Variants in TP53BP1 observed in about 807,000 individuals in gnomAD.
TP53BP1 encodes tumor protein p53 binding protein 1, also known as TP53-binding protein 1.
A neutral mutation model predicts 200.8 loss-of-function variants in TP53BP1; 61 were observed. That is an observed-to-expected ratio of 0.30 (90% CI 0.25 to 0.38). The LOEUF (loss-of-function observed/expected upper bound fraction) is 0.38, where lower values mean the gene tolerates loss of function less well. Among genes scored for constraint, TP53BP1 ranks in the 10% least tolerant of loss-of-function variants. TP53BP1 has a pLI of 1.00. For synonymous variants in TP53BP1, 822 were observed against 844.3 expected (o/e 0.97, Z 0.46); for missense variants, 2,144 against 2,371.9 (o/e 0.90, Z 2.00).
chr15:43,405,741 C>T lies in TP53BP1; in HGVS notation c.*1642G>A. On this transcript the variant is annotated 3_prime_UTR_variant, in exon 28 of 28. Transcript: ENST00000382044. ...GGCAATTCTAGCTAATGAAAATATA[C>T]TTAAAAGTATTTCTTAGGCCGGGCA... 1 of 152,880 alleles carries T rather than the reference C, an allele frequency of 6.5e-6. No homozygotes were observed. Among genetic ancestry groups the T allele is most frequent in the South Asian group, 2.1e-4 (1 of 4,838 alleles). The allele number at this position is 152,880 out of a possible 1,614,324, so 9.5% of individuals were successfully genotyped here. A position where few individuals can be genotyped will look rare whatever the true frequency, so the allele number is the denominator to read the frequency against.
chr15:43,406,842 G>C lies in TP53BP1; in HGVS notation c.*541C>G. ...TCCCTTCATGGCAGTTGGTCCTTTC[G>C]TTCTCCCTTTAGCTCTAAGAGTTGG... On this transcript the variant is annotated 3_prime_UTR_variant, in exon 28 of 28. Coordinates refer to ENST00000382044, the MANE Select transcript of TP53BP1 (RefSeq NM_001141980.3). 3.1e-6 allele frequency: 1 copy of C among 321,346 alleles called. No homozygotes were observed. Among genetic ancestry groups the C allele is most frequent in the Middle Eastern group, 1.1e-3 (1 of 916 alleles). The allele number at this position is 321,346 out of a possible 1,614,324, so 19.9% of individuals were successfully genotyped here.
intron 1 of TP53BP1, among the ~76,000 whole-genome samples, chr15:43,499,022 A>C (rs2251560): frequency 0.53 from 80,290 of 150,944 alleles, 24,524 homozygotes; most frequent in African/African-American, 0.84. Flanking sequence ...ACAACAACAA[A>C]AAAAAAAAAA....
Position 43,446,522 on chromosome 15 carries a change from G to T in TP53BP1, c.2905C>A (p.His969Asn). Residue 969 changes from histidine (H) to asparagine (N), a missense_variant, in exon 14 of 28, where the codon CAT (histidine) becomes AAT (asparagine). Physicochemically the swap from His to Asn is moderately conservative, Grantham distance 68 (BLOSUM62 1). This residue lies in a region of TP53BP1 where 1,700 missense variants were observed against 1,710.3 expected (regional missense o/e 0.99). Coordinates refer to ENST00000382044, the MANE Select transcript of TP53BP1 (RefSeq NM_001141980.3). ...DVMSESMVET[H>N]DPILGSGKGD... ...TTTCCACTCCCAAGTATGGGATCAT[G>T]GGTCTCCACCATGCTTTCAGACATG... 2 of 1,614,138 alleles carry T rather than the reference G, an allele frequency of 1.2e-6. No individual in the cohort carries two copies. The highest frequency in any genetic ancestry group is 1.7e-6 in the Non-Finnish European group (2 of 1,180,016).
intron 14 of TP53BP1, among the ~76,000 whole-genome samples, chr15:43,442,394 C>T (rs2045945470): frequency 6.6e-6 from 1 of 151,968 alleles, no homozygotes; most frequent in Non-Finnish European, 1.5e-5. Flanking sequence ...CTGGCTATTT[C>T]TTGTAATTTA....
At chr15:43,467,055 G>A (rs2140083019) in intron 11 of TP53BP1, among the ~76,000 whole-genome samples, 1 of 148,542 alleles carries the variant, frequency 6.7e-6, no homozygotes, top group African/African-American at 2.5e-5. Flanking sequence ...TGTTGTAAAG[G>A]TATTCTTTTT....
At chr15:43,433,383 C>A (rs1276810921) in intron 16 of TP53BP1, among the ~76,000 whole-genome samples, 1 of 152,178 alleles carries the variant, frequency 6.6e-6, no homozygotes, top group Non-Finnish European at 1.5e-5. Flanking sequence ...CTACAAACCA[C>A]ATACCACGAT....
At position 43,406,147 on chromosome 15, in the gene TP53BP1, C is replaced by T. The variant is rs1474621147; in HGVS notation, c.*1236G>A. The T allele has an allele frequency of 6.6e-6, 1 of 151,746 alleles. No individual in the cohort carries two copies. Among genetic ancestry groups the T allele is most frequent in the Non-Finnish European group, 1.5e-5 (1 of 68,058 alleles). The allele number at this position is 151,746 out of a possible 1,614,324, so 9.4% of individuals were successfully genotyped here. A position where few individuals can be genotyped will look rare whatever the true frequency, so the allele number is the denominator to read the frequency against. The stretch of plus-strand genomic sequence containing the variant: ...TTTTAAATACTGAAGATTGCAGGCC[C>T]AATTACCCATCTTACACAAACCATA... On this transcript the variant is annotated 3_prime_UTR_variant, in exon 28 of 28. Transcript: ENST00000382044.
rs757770290 is a variant in TP53BP1, at chr15:43,407,595, GAAGGA to G, written c.5747-30_5747-26del. 1.9e-6 allele frequency: 3 copies of G among 1,595,924 alleles called. No individual in the cohort carries two copies. In the South Asian group the frequency reaches 3.4e-5, roughly 18 times the overall value. The stretch of plus-strand genomic sequence containing the variant: ...TCTGCAAGGAGCAAGGGAAAGTGAA[GAAGGA>G]AAGGACACTCAACTTAGCCCTCCAT... On this transcript the variant is annotated intron_variant, in intron 27 of 27. Coordinates refer to ENST00000382044, the MANE Select transcript of TP53BP1 (RefSeq NM_001141980.3).
intron 8 of TP53BP1, 47 bp from the exon 9 acceptor site, chr15:43,475,741 A>C: frequency 1.2e-6 from 2 of 1,610,484 alleles, no homozygotes; most frequent in Non-Finnish European, 1.7e-6. Flanking sequence ...GACACTACTG[A>C]GCTGCCAAAA....
intron 18 of TP53BP1, among the ~76,000 whole-genome samples, chr15:43,425,251 T>C (rs982484811): frequency 2.0e-5 from 3 of 152,178 alleles, no homozygotes; most frequent in African/African-American, 7.2e-5. Flanking sequence ...CTCAGGACCA[T>C]GGAACCTTTT....
Position 43,409,044 on chromosome 15 carries a change from C to T in TP53BP1, c.5453G>A (p.Arg1818Gln), listed in dbSNP as rs368366606. Reference sequence around the variant, plus strand: ...ACTGGCAAGGCACAGGAAGTACTTCCGGGTTCGACAATGCTGATCCGCAAT... The same window carrying T: ...ACTGGCAAGGCACAGGAAGTACTTCTGGGTTCGACAATGCTGATCCGCAAT... ...LLIADQHCRTRKYFLCLASGI... is the reference protein window; with the variant it reads ...LLIADQHCRTQKYFLCLASGI... The change falls in exon 26 of 28, where the codon CGG (arginine) becomes CAG (glutamine). Residue 1818 changes from arginine to glutamine, a missense_variant. This residue lies in a region of TP53BP1 where 334 missense variants were observed against 453.4 expected (regional missense o/e 0.74). Coordinates refer to ENST00000382044, the MANE Select transcript of TP53BP1 (RefSeq NM_001141980.3). 1.9e-5 allele frequency: 30 copies of T among 1,614,072 alleles called. No homozygotes were observed. The highest frequency in any genetic ancestry group is 4.0e-5 in the African/African-American group (3 of 74,922).
chr15:43,494,042 A>G (rs2079163191), upstream of TP53BP1, among the ~76,000 whole-genome samples: 1 of 152,140 alleles, frequency 6.6e-6, no homozygotes, highest in Non-Finnish European at 1.5e-5. Context: ...ACGAGTCTTA[A>G]TGAACTAAGC....
At chr15:43,409,377 A>G in intron 25 of TP53BP1, 1 of 566,044 alleles carries the variant, frequency 1.8e-6, no homozygotes, top group Non-Finnish European at 3.1e-6. Flanking sequence ...CAGCAACCCT[A>G]ATAGGGGTTT....
intron 10 of TP53BP1, among the ~76,000 whole-genome samples, chr15:43,473,922 G>T (rs1298559411): frequency 6.6e-6 from 1 of 152,230 alleles, no homozygotes; most frequent in African/African-American, 2.4e-5. Context: ...CGTGGAGCAG[G>T]GGGCAGTGCT....
In TP53BP1 at chr15:43,421,192, G is replaced by T; in HGVS notation, c.4101-18C>A. On this transcript the variant is annotated intron_variant, in intron 19 of 27. Coordinates refer to ENST00000382044, the MANE Select transcript of TP53BP1 (RefSeq NM_001141980.3). Reference sequence around the variant, plus strand: ...TTCTAGGACTAGAGAATGAAGACAAGTTAGTCTGATAGCACCTGCTACTGA... The same window carrying T: ...TTCTAGGACTAGAGAATGAAGACAATTTAGTCTGATAGCACCTGCTACTGA... The T allele has an allele frequency of 6.2e-7, 1 of 1,613,268 alleles. No individual in the cohort carries two copies. The highest frequency in any genetic ancestry group is 8.5e-7 in the Non-Finnish European group (1 of 1,179,502).
intron 21 of TP53BP1, among the ~76,000 whole-genome samples, chr15:43,418,764 C>T (rs1480643154): frequency 6.6e-6 from 1 of 152,154 alleles, no homozygotes; most frequent in East Asian, 1.9e-4. Context: ...GTTCTTCAAA[C>T]CAGAGAATAA....
At position 43,479,925 on chromosome 15, in the gene TP53BP1, C is replaced by G. The variant is rs2078938518; in HGVS notation, c.592G>C (p.Glu198Gln). 1 of 1,614,056 alleles carries G rather than the reference C, an allele frequency of 6.2e-7. No homozygotes were observed. Among genetic ancestry groups the G allele is most frequent in the African/African-American group, 1.3e-5 (1 of 74,910 alleles). Residue 198 changes from glutamate to glutamine, a missense_variant, in exon 6 of 28, where the codon GAG becomes CAG. Physicochemically the swap from Glu to Gln is conservative, Grantham distance 29. Transcript: ENST00000382044. ...ENTVPYEVDK[E>Q]QLQSVTTNSG... is the part of the protein sequence containing the mutation. The stretch of plus-strand genomic sequence containing the variant: ...TTGGTGGTTACTGATTGTAGCTGCT[C>G]TTTGTCCACTTCATATGGCACAGTA...
At chr15:43,457,393 G>A (rs779227801) in intron 11 of TP53BP1, among the ~76,000 whole-genome samples, 175 bp from the exon 12 acceptor site, 2 of 152,062 alleles carry the variant, frequency 1.3e-5, no homozygotes, top group African/African-American at 2.4e-5. Flanking sequence ...ATAGCCAGGA[G>A]CAGTGGCACA....
intron 15 of TP53BP1, among the ~76,000 whole-genome samples, chr15:43,440,858 C>T (rs1040485118): frequency 2.6e-5 from 4 of 152,146 alleles, no homozygotes; most frequent in Non-Finnish European, 4.4e-5. Flanking sequence ...CACCGCACTC[C>T]AGCCTGGGCA....
Sources: allele counts gnomAD v4.1 joint callset (sites outside exome capture counted in the v4.1 genomes callset), GRCh38; gene constraint gnomAD v4.1.1; regional missense constraint gnomAD v4.1.1; transcripts MANE v1.5; gene names NCBI Gene and HGNC (gene_info 2026-07-23, HGNC 2026-07-21).